The following MACROD1 variants were observed in gnomAD, a reference collection of about 807,000 sequenced individuals.
MACROD1 encodes the protein ADP-ribose glycohydrolase MACROD1.
Under a neutral mutation model 41.4 loss-of-function variants are expected in MACROD1, and 31 were observed. The observed-to-expected ratio is 0.75, with a 90% CI of 0.56 to 1.01. MACROD1 has a LOEUF of 1.01. Ranked by LOEUF, MACROD1 falls within the 50% of genes least tolerant of loss-of-function variation. The pLI is 0.00. For missense variants in MACROD1, 473 were observed against 460.0 expected, an observed-to-expected ratio of 1.03 and a Z score of -0.26; for synonymous variants, 252 against 203.4, an observed-to-expected ratio of 1.24 and a Z score of -2.03.
intron 3 of MACROD1, among the ~76,000 whole-genome samples, chr11:64,054,706 T>C (rs1943751870): frequency 6.6e-6 from 1 of 152,100 alleles, no homozygotes; most frequent in Non-Finnish European, 1.5e-5. Context: ...CCCCTCTATC[T>C]TGCTCCCAAA....
intron 3 of MACROD1, among the ~76,000 whole-genome samples, chr11:64,143,234 CTGA>C (rs1179678161): frequency 6.6e-6 from 1 of 152,004 alleles, no homozygotes; most frequent in Non-Finnish European, 1.5e-5. Context: ...AGAAAAAAAC[CTGA>C]TGGTCTCTCT....
chr11:64,107,483 C>A (rs1366439117), intron 3 of MACROD1, among the ~76,000 whole-genome samples: 1 of 152,238 alleles, frequency 6.6e-6, no homozygotes, highest in Non-Finnish European at 1.5e-5. Flanking sequence ...CCGCCTGGCA[C>A]CAGCGCCACC....
At chr11:64,029,239 G>C (rs146018677) in intron 3 of MACROD1, among the ~76,000 whole-genome samples, 2 of 152,324 alleles carry the variant, frequency 1.3e-5, no homozygotes, top group Middle Eastern at 3.4e-3. Flanking sequence ...TTTGCGCTGT[G>C]GGGGAGGCTG....
chr11:64,075,913 A>G (rs1454654281), intron 3 of MACROD1, among the ~76,000 whole-genome samples: 3 of 152,138 alleles, frequency 2.0e-5, no homozygotes, highest in African/African-American at 4.8e-5. Flanking sequence ...ACCTCAAGTG[A>G]TCCACCCGCC....
intron 3 of MACROD1, chr11:64,116,762 C>G (rs767596236): frequency 6.2e-7 from 1 of 1,613,670 alleles, no homozygotes. Flanking sequence ...CCGTGTCCAC[C>G]GTCAGCATTG....
intron 3 of MACROD1, among the ~76,000 whole-genome samples, chr11:64,105,788 G>T (rs2134574072): frequency 6.6e-6 from 1 of 152,306 alleles, no homozygotes; most frequent in African/African-American, 2.4e-5. Context: ...GGGCGCCAAG[G>T]CCCCAGGAGG....
intron 3 of MACROD1, among the ~76,000 whole-genome samples, chr11:64,105,920 T>C (rs1490952871): frequency 6.9e-6 from 1 of 144,756 alleles, no homozygotes; most frequent in Non-Finnish European, 1.5e-5. Flanking sequence ...AGGTCCTTTA[T>C]CTCATGATTC....
chr11:64,132,413 C>T (rs1041491437), intron 3 of MACROD1, among the ~76,000 whole-genome samples: 4 of 98,408 alleles, frequency 4.1e-5, no homozygotes, highest in East Asian at 5.6e-4. Flanking sequence ...AGGGCCCTGG[C>T]GGATGGATTG....
At chr11:64,044,112 G>A (rs939497720) in intron 3 of MACROD1, among the ~76,000 whole-genome samples, 7 of 151,484 alleles carry the variant, frequency 4.6e-5, no homozygotes, top group Admixed American at 2.6e-4. Flanking sequence ...CACTGTGCCC[G>A]GCCCAGGACA....
intron 3 of MACROD1, among the ~76,000 whole-genome samples, chr11:64,040,591 C>T (rs320145): frequency 0.3 from 45,624 of 152,094 alleles, 7,778 homozygotes; most frequent in African/African-American, 0.46. Flanking sequence ...CCCCTTTTCC[C>T]GAGAGCTGTG....
At chr11:64,018,362 C>T (rs1009225185) in intron 3 of MACROD1, among the ~76,000 whole-genome samples, 6 of 152,198 alleles carry the variant, frequency 3.9e-5, no homozygotes, top group South Asian at 2.1e-4. Context: ...CCCTGGGCCC[C>T]CGTTCTGGCC....
At chr11:64,018,461 C>T (rs1016007252) in intron 3 of MACROD1, among the ~76,000 whole-genome samples, 2 of 152,176 alleles carry the variant, frequency 1.3e-5, no homozygotes, top group African/African-American at 2.4e-5. Flanking sequence ...GGGAATGGCC[C>T]GGAGGCTTGC....
chr11:64,094,651 G>C (rs2701543), intron 3 of MACROD1, among the ~76,000 whole-genome samples: 1 of 152,028 alleles, frequency 6.6e-6, no homozygotes, highest in African/African-American at 2.4e-5. Flanking sequence ...CGGAGGCTCA[G>C]TGTGTGGCTG....
chr11:64,013,737 C>A (rs1488272203), intron 4 of MACROD1, among the ~76,000 whole-genome samples: 1 of 152,154 alleles, frequency 6.6e-6, no homozygotes, highest in Non-Finnish European at 1.5e-5. Context: ...GGATCCTGGG[C>A]CATCTCCCAT....
chr11:64,165,913 G>T lies in MACROD1; in HGVS notation c.82C>A (p.Pro28Thr). 1 of 1,336,814 alleles carries T rather than the reference G, an allele frequency of 7.5e-7. No individual in the cohort carries two copies. The highest frequency in any genetic ancestry group is 9.5e-7 in the Non-Finnish European group (1 of 1,050,622). The allele number at this position is 1,336,814 out of a possible 1,614,324, so 82.8% of individuals were successfully genotyped here. The change falls in exon 1 of 11, where the codon CCC (proline) becomes ACC (threonine). Residue 28 changes from proline (P) to threonine (T), a missense_variant. Transcript: ENST00000255681. ...GQLLVPPRPR[P>T]GHLAGATRTR... ...CTCGTGGCACCCGCCAAGTGTCCGG[G>T]CCGGGGGCGCGGGGGGACGAGCAGC...
intron 1 of MACROD1, among the ~76,000 whole-genome samples, chr11:64,164,714 C>T (rs1189873631): frequency 6.6e-6 from 1 of 152,012 alleles, no homozygotes; most frequent in East Asian, 1.9e-4. Flanking sequence ...CGCAGGACCC[C>T]CCCATCCTGC....
chr11:64,027,284 C>G (rs1943235392), intron 3 of MACROD1, among the ~76,000 whole-genome samples: 2 of 152,082 alleles, frequency 1.3e-5, no homozygotes, highest in African/African-American at 4.8e-5. Context: ...GGTGCTGGAG[C>G]TGGGAGCAGC....
chr11:64,035,678 G>A (rs1431401546), intron 3 of MACROD1, among the ~76,000 whole-genome samples: 6 of 24,498 alleles, frequency 2.4e-4, no homozygotes, highest in East Asian at 1.4e-3. Context: ...CTCCCGCGCC[G>A]GGTCCCGCCG....
intron 3 of MACROD1, among the ~76,000 whole-genome samples, chr11:64,092,041 A>G (rs548173437): frequency 6.6e-6 from 1 of 152,250 alleles, no homozygotes; most frequent in Admixed American, 6.5e-5. Context: ...TGAGGGTCCC[A>G]AAAAACAATC....
Sources: gnomAD v4.1 joint callset for allele counts (sites outside exome capture counted in the v4.1 genomes callset) on GRCh38, gnomAD v4.1.1 for gene constraint, MANE v1.5 for transcripts, NCBI Gene and HGNC (gene_info 2026-07-23, HGNC 2026-07-21) for gene names.